The following HLCS variants were observed in gnomAD, a reference collection of about 807,000 sequenced individuals.
HLCS encodes the protein biotin--protein ligase.
A neutral mutation model predicts 75.0 loss-of-function variants in HLCS; 53 were observed. The observed-to-expected ratio is 0.71, with a 90% confidence interval of 0.57 to 0.89. The LOEUF is 0.89. Ranked by LOEUF, HLCS falls within the 40% of genes least tolerant of loss-of-function variation. The probability of loss-of-function intolerance (pLI) is 0.00; values close to 1 mark genes in which losing one functional copy is unlikely to be tolerated. For missense variants in HLCS, 966 were observed against 1,074.0 expected, an observed-to-expected ratio of 0.90 and a Z score of 1.41; for synonymous variants, 431 against 428.6, an observed-to-expected ratio of 1.01 and a Z score of -0.07.
chr21:36,831,816 AT>A (rs1426854436), intron 6 of HLCS, among the ~76,000 whole-genome samples: 1 of 152,158 alleles, frequency 6.6e-6, no homozygotes, highest in African/African-American at 2.4e-5. Context: ...TATATTTAAA[AT>A]TTTTTTTAAA....
chr21:36,986,037 C>T (rs59943709), intron 1 of HLCS, among the ~76,000 whole-genome samples: 39,042 of 151,992 alleles, frequency 0.26, 5,173 homozygotes, highest in South Asian at 0.35. Context: ...ATGTATTCCC[C>T]AAGTGCATGT....
intron 6 of HLCS, among the ~76,000 whole-genome samples, chr21:36,796,659 G>A (rs897318338): frequency 2.6e-4 from 40 of 152,148 alleles, no homozygotes; most frequent in African/African-American, 7.7e-4. Flanking sequence ...AAACATTATC[G>A]GGGCCACTAA....
At chr21:36,962,315 G>C (rs2068341009) in intron 1 of HLCS, 145 bp from the exon 2 acceptor site, 1 of 470,080 alleles carries the variant, frequency 2.1e-6, no homozygotes, top group Non-Finnish European at 3.5e-6. Flanking sequence ...CAGGCCGCAG[G>C]AACCGTGTGT....
chr21:36,933,570 A>C (rs1355648259), intron 4 of HLCS, among the ~76,000 whole-genome samples: 2 of 151,302 alleles, frequency 1.3e-5, no homozygotes, highest in Admixed American at 6.6e-5. Context: ...AAAAAAAAAA[A>C]AACAATCTGT....
intron 1 of HLCS, among the ~76,000 whole-genome samples, chr21:36,989,619 G>T: frequency 6.6e-6 from 1 of 152,078 alleles, no homozygotes; most frequent in Non-Finnish European, 1.5e-5. Flanking sequence ...GTGAACCACC[G>T]CGCCCGGCCC....
chr21:36,896,942 G>C lies in HLCS; in HGVS notation c.1810C>G (p.Arg604Gly). 2.5e-6 allele frequency: 4 copies of C among 1,614,126 alleles called. No homozygotes were observed. The highest frequency in any genetic ancestry group is 3.4e-6 in the Non-Finnish European group (4 of 1,180,006). The change falls in exon 6 of 11, where the codon CGC (arginine) becomes GGC (glycine). Residue 604 changes from arginine to glycine, a missense_variant. Physicochemically the swap from Arg to Gly is moderately radical, Grantham distance 125 (BLOSUM62 -2). Transcript: ENST00000674895. ...AACTGCTTGGTCTGCAGATTTTGGC[G>C]ATAGATCTCTAAGTTGAAATGTTCT... is the stretch of plus-strand genomic sequence containing the variant. ...SSEHFNLEIYRQNLQTKQLGK... is the reference protein window; with the variant it reads ...SSEHFNLEIYGQNLQTKQLGK...
intron 6 of HLCS, among the ~76,000 whole-genome samples, chr21:36,853,109 T>C (rs1474278925): frequency 6.6e-6 from 1 of 152,198 alleles, no homozygotes; most frequent in African/African-American, 2.4e-5. Flanking sequence ...GAAAATGTCC[T>C]AAAATAGAGC....
At chr21:36,786,976 C>T (rs1372960869) in intron 6 of HLCS, among the ~76,000 whole-genome samples, 3 of 152,204 alleles carry the variant, frequency 2.0e-5, no homozygotes, top group African/African-American at 7.2e-5. Flanking sequence ...GGGCCCAGCA[C>T]ACCCCCAAGT....
intron 6 of HLCS, among the ~76,000 whole-genome samples, chr21:36,815,308 C>T (rs771464958): frequency 9.2e-4 from 138 of 149,988 alleles, no homozygotes; most frequent in Admixed American, 2.3e-3. Context: ...GGATTGCAGG[C>T]GTGAGCCACT....
In HLCS at chr21:36,805,756, G is replaced by A. The variant is rs539875485; in HGVS notation, c.1893-38471C>T. The stretch of plus-strand genomic sequence containing the variant: ...ATTCTCTGCACTGGGGACACCTAAC[G>A]TAGCCAGGAATGGTGTGAACAGACC... On this transcript the variant is annotated intron_variant, in intron 6 of 10. Transcript: ENST00000674895. Among the ~76,000 whole-genome samples, 14 of 152,296 alleles carry A rather than the reference G, an allele frequency of 9.2e-5. No homozygotes were observed. In the East Asian group the frequency reaches 1.7e-3, roughly 19 times the overall value.
At chr21:36,929,375 A>G (rs1005850729) in intron 5 of HLCS, among the ~76,000 whole-genome samples, 1 of 152,244 alleles carries the variant, frequency 6.6e-6, no homozygotes, top group African/African-American at 2.4e-5. Context: ...CAGATTTTCT[A>G]TCTGTCTTCT....
intron 1 of HLCS, among the ~76,000 whole-genome samples, chr21:36,983,439 G>A (rs1362496705): frequency 6.6e-6 from 1 of 151,768 alleles, no homozygotes; most frequent in Non-Finnish European, 1.5e-5. Flanking sequence ...TCGAACCCCT[G>A]ACCTCAAGTG....
At chr21:36,890,922 G>T (rs1894085403) in intron 6 of HLCS, among the ~76,000 whole-genome samples, 1 of 152,200 alleles carries the variant, frequency 6.6e-6, no homozygotes. Flanking sequence ...TTTCTTGGTA[G>T]TCTGAAAAAC....
At chr21:36,835,917 TA>T (rs1268201383) in intron 6 of HLCS, among the ~76,000 whole-genome samples, 2 of 152,016 alleles carry the variant, frequency 1.3e-5, no homozygotes, top group African/African-American at 4.8e-5. Context: ...TTCCCATTTT[TA>T]AAATCAAACC....
intron 6 of HLCS, among the ~76,000 whole-genome samples, chr21:36,819,961 A>G (rs1025421122): frequency 3.9e-5 from 6 of 152,234 alleles, no homozygotes; most frequent in African/African-American, 1.4e-4. Flanking sequence ...AATAAAAAAG[A>G]GCCATCCTAC....
intron 4 of HLCS, 71 bp from the exon 5 acceptor site, chr21:36,930,504 C>A: frequency 1.5e-6 from 2 of 1,303,538 alleles, no homozygotes; most frequent in Non-Finnish European, 2.2e-6. Context: ...TTTCTTTTTT[C>A]TTTTTCTTTT....
chr21:36,863,064 C>T (rs556398153), intron 6 of HLCS, among the ~76,000 whole-genome samples: 82 of 152,012 alleles, frequency 5.4e-4, no homozygotes, highest in African/African-American at 2.0e-3. Context: ...CCTGGCTTCA[C>T]CATTTCTTAA....
At chr21:36,854,562 A>G (rs1320479653) in intron 6 of HLCS, among the ~76,000 whole-genome samples, 3 of 152,292 alleles carry the variant, frequency 2.0e-5, no homozygotes, top group Non-Finnish European at 4.4e-5. Flanking sequence ...TGAGCAGTTC[A>G]AGGTGGGGAA....
Position 36,753,720 on chromosome 21 carries a change from A to T in HLCS, c.*526T>A. 1 of 172,374 alleles carries T rather than the reference A, an allele frequency of 5.8e-6. No homozygotes were observed. Among genetic ancestry groups the T allele is most frequent in the Admixed American group, 5.6e-5 (1 of 17,992 alleles). 10.7% of individuals were successfully genotyped at this position (172,374 alleles called of 1,614,324 possible). A position where few individuals can be genotyped will look rare whatever the true frequency, so the allele number is the denominator to read the frequency against. On this transcript the variant is annotated 3_prime_UTR_variant, in exon 11 of 11. Coordinates refer to ENST00000674895, the MANE Select transcript of HLCS (RefSeq NM_001352514.2). This position sits in a 1 kb window ranked among gnomAD's most constrained non-coding sequence, Gnocchi z 4.3. ...CACCGGGTGGACAGTAACTCTTGGAAGTCTGTCTTCCCTTTTCTTCATTAA... is the reference window on the plus strand; with the variant it reads ...CACCGGGTGGACAGTAACTCTTGGATGTCTGTCTTCCCTTTTCTTCATTAA...
Sources: gnomAD v4.1 joint callset for allele counts (sites outside exome capture counted in the v4.1 genomes callset) on GRCh38, gnomAD v4.1.1 for gene constraint, Gnocchi (gnomAD v3.1) non-coding constraint, MANE v1.5 for transcripts, NCBI Gene and HGNC (gene_info 2026-07-23, HGNC 2026-07-21) for gene names.